PDE4D: variants seen among roughly 807,000 people sequenced by gnomAD.
PDE4D encodes the protein 3',5'-cyclic-AMP phosphodiesterase 4D.
A neutral mutation model predicts 87.4 loss-of-function variants in PDE4D; 24 were observed. The ratio of observed to expected loss-of-function variants is 0.27; its 90% CI spans 0.20 to 0.39. The LOEUF (loss-of-function observed/expected upper bound fraction) is 0.39, where lower values mean the gene tolerates loss of function less well. PDE4D is among the 10% of genes least tolerant of loss of function. The pLI is 1.00. For synonymous variants in PDE4D, 384 were observed against 383.2 expected (o/e 1.00, Z -0.02); for missense variants, 714 against 1,041.0 (o/e 0.69, Z 4.32).
chr5:60,464,312 G>A (rs1747181148), intron 1 of PDE4D, among the ~76,000 whole-genome samples: 1 of 152,226 alleles, frequency 6.6e-6, no homozygotes, highest in East Asian at 1.9e-4. Flanking sequence ...TCAGAAATAA[G>A]CCAAAATTTA....
At chr5:60,448,375 T>C (rs1426695123) in intron 1 of PDE4D, among the ~76,000 whole-genome samples, 1 of 152,184 alleles carries the variant, frequency 6.6e-6, no homozygotes, top group Non-Finnish European at 1.5e-5. Context: ...TATTAGTTCA[T>C]AAATTTAAGG....
chr5:59,605,416 C>T (rs1828059178), intron 1 of PDE4D, among the ~76,000 whole-genome samples: 1 of 151,876 alleles, frequency 6.6e-6, no homozygotes, highest in South Asian at 2.1e-4. Flanking sequence ...TCAAAACATC[C>T]CATCAAACAC....
chr5:60,103,748 C>G (rs1401166368), intron 2 of PDE4D, among the ~76,000 whole-genome samples: 5 of 151,792 alleles, frequency 3.3e-5, no homozygotes, highest in African/African-American at 1.2e-4. Flanking sequence ...GTCACTCTCA[C>G]TAAATTAAAA....
chr5:59,866,449 C>A (rs1002305675), intron 1 of PDE4D, among the ~76,000 whole-genome samples: 1 of 151,996 alleles, frequency 6.6e-6, no homozygotes, highest in African/African-American at 2.4e-5. Context: ...ATTGCTTATT[C>A]CATCACAAAG....
intron 2 of PDE4D, chr5:59,193,780 T>C: frequency 2.0e-6 from 2 of 985,438 alleles, no homozygotes; most frequent in Non-Finnish European, 2.4e-6. Context: ...AGGGTCACTG[T>C]TGCTTTTTAG....
At chr5:59,831,347 AC>A (rs1375989295) in intron 1 of PDE4D, among the ~76,000 whole-genome samples, 6 of 148,070 alleles carry the variant, frequency 4.1e-5, no homozygotes, top group Non-Finnish European at 6.0e-5. Flanking sequence ...AAAAAAAAAA[AC>A]CGGGCAAATA....
At chr5:59,623,861 C>G (rs1255771313) in intron 1 of PDE4D, among the ~76,000 whole-genome samples, 1 of 152,118 alleles carries the variant, frequency 6.6e-6, no homozygotes, top group Non-Finnish European at 1.5e-5. Context: ...CCTCACTTTC[C>G]TTTACTGTCA....
In PDE4D at chr5:60,395,768, A is replaced by G. The variant is rs922112094; in HGVS notation, c.-90+92174T>C. Among the ~76,000 whole-genome samples the G allele has an allele frequency of 1.4e-4, 21 of 151,588 alleles. 1 individual carries two copies. The highest frequency in any genetic ancestry group is 2.8e-4 in the Non-Finnish European group (19 of 67,826). ...GTGCCAAGATAGAAGAAAAAAAAAA[A>G]AAGCAAACAAGCCAAACTCCCCTTC... On this transcript the variant is annotated intron_variant, in intron 1 of 16. Transcript: ENST00000502484.
intron 5 of PDE4D, among the ~76,000 whole-genome samples, chr5:59,170,082 G>T (rs1050755778): frequency 9.2e-5 from 14 of 152,204 alleles, no homozygotes. Context: ...CCAGGCTAGA[G>T]TGCAGTGGCA....
chr5:60,258,519 T>C (rs1236302634), intron 1 of PDE4D, among the ~76,000 whole-genome samples: 3 of 152,038 alleles, frequency 2.0e-5, no homozygotes, highest in Non-Finnish European at 4.4e-5. Context: ...CATTGTTTGA[T>C]ATAGCAAATA....
At chr5:59,091,005 C>A in intron 5 of PDE4D, 1 of 402,458 alleles carries the variant, frequency 2.5e-6, no homozygotes, top group East Asian at 7.7e-5. Context: ...TTAGAAAGTA[C>A]TTTTCATGAA....
At chr5:60,418,695 T>C (rs189727930) in intron 1 of PDE4D, among the ~76,000 whole-genome samples, 7 of 152,056 alleles carry the variant, frequency 4.6e-5, no homozygotes, top group African/African-American at 1.7e-4. Context: ...GAGAATGGAG[T>C]ATCCATTCCC....
At chr5:59,067,907 A>C (rs2409625) in intron 5 of PDE4D, among the ~76,000 whole-genome samples, 17,547 of 152,194 alleles carry the variant, frequency 0.12, 1,135 homozygotes, top group Admixed American at 0.16. Flanking sequence ...CACATGTATT[A>C]ATTAAGTAGG....
chr5:59,991,028 A>C (rs1174799891), intron 2 of PDE4D, among the ~76,000 whole-genome samples: 3 of 152,220 alleles, frequency 2.0e-5, no homozygotes, highest in Non-Finnish European at 4.4e-5. Context: ...GTATTAGTAG[A>C]AAATAACAGA....
At chr5:60,145,592 G>A (rs1309285048) in intron 2 of PDE4D, among the ~76,000 whole-genome samples, 1 of 152,118 alleles carries the variant, frequency 6.6e-6, no homozygotes, top group Non-Finnish European at 1.5e-5. Flanking sequence ...GAAGTATTTG[G>A]AAACTTTTTT....
chr5:59,863,608 A>G (rs1042402220), intron 1 of PDE4D, among the ~76,000 whole-genome samples: 2 of 152,136 alleles, frequency 1.3e-5, no homozygotes, highest in Admixed American at 6.5e-5. Context: ...GCATGATGGT[A>G]CTTCTATCTA....
intron 1 of PDE4D, among the ~76,000 whole-genome samples, chr5:59,534,256 T>C (rs1814741075): frequency 6.6e-6 from 1 of 152,186 alleles, no homozygotes; most frequent in Admixed American, 6.5e-5. Flanking sequence ...AAGCCAACAA[T>C]ATTCTCATAT....
intron 1 of PDE4D, among the ~76,000 whole-genome samples, chr5:59,370,274 C>T (rs950203474): frequency 2.0e-5 from 3 of 152,184 alleles, no homozygotes; most frequent in African/African-American, 4.8e-5. Context: ...GTTTCCCTCT[C>T]CATTTGGGAT....
chr5:60,244,373 T>C (rs6861458), intron 1 of PDE4D, among the ~76,000 whole-genome samples: 4,415 of 151,920 alleles, frequency 0.029, 230 homozygotes, highest in African/African-American at 0.1. Flanking sequence ...GTCCATACTA[T>C]CCAAAGCAAT....
Sources: gnomAD v4.1 joint callset for allele counts (sites outside exome capture counted in the v4.1 genomes callset) on GRCh38, gnomAD v4.1.1 for gene constraint, MANE v1.5 for transcripts, NCBI Gene and HGNC (gene_info 2026-07-23, HGNC 2026-07-21) for gene names.